SHROOM4: variants seen among roughly 807,000 people sequenced by gnomAD.
SHROOM4 encodes shroom family member 4, also known as protein Shroom4.
In SHROOM4, 17 loss-of-function variants were observed where a neutral mutation model predicts 80.3. The observed-to-expected ratio is 0.21, with a 90% CI of 0.14 to 0.32. The LOEUF (loss-of-function observed/expected upper bound fraction) is 0.32, where lower values mean the gene tolerates loss of function less well. Among genes scored for constraint, SHROOM4 ranks in the 10% least tolerant of loss-of-function variants. SHROOM4 has a pLI of 1.00. For synonymous variants in SHROOM4, 400 were observed against 437.5 expected, an observed-to-expected ratio of 0.91 and a Z score of 1.07; for missense variants, 993 against 1,140.3, an observed-to-expected ratio of 0.87 and a Z score of 1.86.
At chrX:50,779,168 T>C (rs1481903224) in intron 1 of SHROOM4, among the ~76,000 whole-genome samples, 4 of 112,200 alleles carry the variant, frequency 3.6e-5, no homozygotes, top group African/African-American at 9.7e-5. Flanking sequence ...CATACTCTTA[T>C]TGAATTCTCA....
At chrX:50,710,462 A>G (rs1201025531) in intron 1 of SHROOM4, among the ~76,000 whole-genome samples, 1 of 111,111 alleles carries the variant, frequency 9.0e-6, no homozygotes, top group Non-Finnish European at 1.9e-5. Context: ...GAGCTAAACA[A>G]TAGGTACTCA....
intron 5 of SHROOM4, among the ~76,000 whole-genome samples, chrX:50,608,442 T>C (rs189793362): frequency 7.0e-4 from 78 of 111,808 alleles, no homozygotes; most frequent in Non-Finnish European, 1.3e-3. Context: ...AGGTAGCTAT[T>C]ACTATTGCAC....
At chrX:50,618,255 CTTTCT>C (rs1258034593) in intron 5 of SHROOM4, among the ~76,000 whole-genome samples, 26 of 107,454 alleles carry the variant, frequency 2.4e-4, no homozygotes, top group Admixed American at 4.9e-4. Context: ...ACTCTGGTTT[CTTTCT>C]TTTCTTCTCT....
rs782342474 is a variant in SHROOM4 at position 50,650,483 on chromosome X, C to T, written c.270-12175G>A. ...GCCCTGCCTCAGCCTCCCGAGTAGC[C>T]GGGACTGCAGGCACGTGCCACCACG... On this transcript the variant is annotated intron_variant, in intron 2 of 8. Coordinates refer to ENST00000376020, the MANE Select transcript of SHROOM4 (RefSeq NM_020717.5). 4.9e-4 allele frequency among the ~76,000 whole-genome samples: 54 copies of T among 110,233 alleles called. No homozygotes were observed. The East Asian group carries it at 5.7e-3, about 12-fold the overall frequency.
At chrX:50,584,143 A>G (rs1337848616), downstream of SHROOM4, among the ~76,000 whole-genome samples, 1 of 111,847 alleles carries the variant, frequency 8.9e-6, no homozygotes, top group Admixed American at 9.5e-5. Flanking sequence ...TCATGATGGT[A>G]CCTGAACCCA....
At chrX:50,646,531 T>TGTGC (rs1208029966) in intron 2 of SHROOM4, among the ~76,000 whole-genome samples, 405 of 63,420 alleles carry the variant, frequency 6.4e-3, no homozygotes, top group African/African-American at 0.033. Context: ...GGGAAGAGTG[T>TGTGC]GTGTGTGTGT....
intron 1 of SHROOM4, among the ~76,000 whole-genome samples, chrX:50,700,031 T>A (rs1933474937): frequency 8.9e-6 from 1 of 111,808 alleles, no homozygotes; most frequent in Admixed American, 9.5e-5. Flanking sequence ...GACATGATTG[T>A]GAATACCTCT....
downstream of SHROOM4, among the ~76,000 whole-genome samples, chrX:50,581,849 C>A (rs1197808976): frequency 6.3e-5 from 7 of 111,500 alleles, no homozygotes; most frequent in African/African-American, 2.3e-4. Flanking sequence ...TTCACAATTT[C>A]TCCCACCATC....
rs550457274 is a variant in SHROOM4 at position 50,729,599 on chromosome X, C to A, written c.118-33662G>T. 4.5e-5 allele frequency among the ~76,000 whole-genome samples: 5 copies of A among 111,321 alleles called. No individual in the cohort carries two copies. In the South Asian group the frequency reaches 1.5e-3, roughly 34 times the overall value. On this transcript the variant is annotated intron_variant, in intron 1 of 8. Coordinates refer to ENST00000376020, the MANE Select transcript of SHROOM4 (RefSeq NM_020717.5). ...TTAGAAAAATAATGACAATAACCTT[C>A]TCATATTTGATGGACAAGGCTAACT...
At chrX:50,672,527 C>G (rs1357825523) in intron 2 of SHROOM4, among the ~76,000 whole-genome samples, 1 of 111,214 alleles carries the variant, frequency 9.0e-6, no homozygotes, top group Non-Finnish European at 1.9e-5. Context: ...TAAACAGAGC[C>G]TCAGGGATCT....
intron 5 of SHROOM4, among the ~76,000 whole-genome samples, chrX:50,622,476 C>T (rs1267584262): frequency 8.9e-6 from 1 of 112,251 alleles, no homozygotes; most frequent in Non-Finnish European, 1.9e-5. Context: ...ATTTTTATCC[C>T]TCCTGCTAAT....
chrX:50,720,408 C>A lies in SHROOM4; in HGVS notation c.118-24471G>T, dbSNP rs191381039. 2.9e-3 allele frequency among the ~76,000 whole-genome samples: 327 copies of A among 112,141 alleles called. 1 individual carries two copies. Among genetic ancestry groups the A allele is most frequent in the African/African-American group, 9.7e-3 (298 of 30,860 alleles). Reference sequence around the variant, plus strand: ...ATCCACTTGGTTGTCTGCTCAGAAACTCCTCCTTAGAGTCCCCAACTGAGA... The same window carrying A: ...ATCCACTTGGTTGTCTGCTCAGAAAATCCTCCTTAGAGTCCCCAACTGAGA... On this transcript the variant is annotated intron_variant, in intron 1 of 8. Transcript: ENST00000376020.
rs183827201 is a variant in SHROOM4, at chrX:50,676,956, C to T, written c.269+18830G>A. Among the ~76,000 whole-genome samples the T allele has an allele frequency of 3.7e-3, 414 of 111,514 alleles. 2 individuals carry two copies. Among genetic ancestry groups the T allele is most frequent in the African/African-American group, 0.012 (380 of 30,851 alleles). ...TTTCCTGCTTAAAGAAAGAGAGAAA[C>T]GGGATTTTTACATACATAGTGGCAT... On this transcript the variant is annotated intron_variant, in intron 2 of 8. Coordinates refer to ENST00000376020, the MANE Select transcript of SHROOM4 (RefSeq NM_020717.5).
chrX:50,633,685 G>A lies in SHROOM4; in HGVS notation c.2388C>T (p.Ser796=). 8.3e-7 allele frequency: 1 copy of A among 1,211,907 alleles called. No individual in the cohort carries two copies. The highest frequency in any genetic ancestry group is 1.1e-6 in the Non-Finnish European group (1 of 895,556). The part of the protein sequence containing the change: ...TSHLPGLTTH[S]NKTFTQRPKP... Reference sequence around the variant, plus strand: ...TTGGTCTCTGGGTAAAAGTCTTGTTGCTATGAGTGGTTAAACCTGGCAAAT... The same window carrying A: ...TTGGTCTCTGGGTAAAAGTCTTGTTACTATGAGTGGTTAAACCTGGCAAAT... Residue 796 remains serine, a synonymous_variant, in exon 4 of 9, where the codon AGC becomes AGT. Coordinates refer to ENST00000376020, the MANE Select transcript of SHROOM4 (RefSeq NM_020717.5).
intron 3 of SHROOM4, among the ~76,000 whole-genome samples, chrX:50,637,950 A>G (rs1397814917): frequency 3.6e-5 from 4 of 112,085 alleles, no homozygotes; most frequent in Non-Finnish European, 5.6e-5. Flanking sequence ...TGTAAGCCCA[A>G]TGAGGTATTT....
intron 1 of SHROOM4, among the ~76,000 whole-genome samples, chrX:50,705,987 T>C (rs782473614): frequency 1.4e-5 from 1 of 73,509 alleles, no homozygotes; most frequent in African/African-American, 5.1e-5. Context: ...CCTCTCATCC[T>C]CTACACACAC....
At chrX:50,791,412 C>T (rs1935848381) in intron 1 of SHROOM4, among the ~76,000 whole-genome samples, 1 of 108,319 alleles carries the variant, frequency 9.2e-6, no homozygotes, top group Admixed American at 9.9e-5. Context: ...CTATCAAAAT[C>T]TTAATGGCAT....
chrX:50,641,102 A>G (rs1220672387), intron 2 of SHROOM4, among the ~76,000 whole-genome samples: 1 of 112,107 alleles, frequency 8.9e-6, no homozygotes, highest in Non-Finnish European at 1.9e-5. Context: ...TCTTCAAGGT[A>G]CTGCTCAAGT....
intron 1 of SHROOM4, among the ~76,000 whole-genome samples, chrX:50,769,807 G>A (rs1322953392): frequency 1.7e-4 from 19 of 111,095 alleles, no homozygotes; most frequent in Non-Finnish European, 3.4e-4. Flanking sequence ...AAATAACAAC[G>A]TACTCTTGAA....
Sources: gnomAD v4.1 joint callset for allele counts (sites outside exome capture counted in the v4.1 genomes callset) on GRCh38, gnomAD v4.1.1 for gene constraint, MANE v1.5 for transcripts, NCBI Gene and HGNC (gene_info 2026-07-23, HGNC 2026-07-21) for gene names.